The following PSMB7 variants were observed in gnomAD, a reference collection of about 807,000 sequenced individuals.
PSMB7 encodes the protein proteasome 20S subunit beta 7, also known as proteasome subunit beta type-7.
Under a neutral mutation model 28.1 loss-of-function variants are expected in PSMB7, and 5 were observed. That is an observed-to-expected ratio of 0.18 (90% CI 0.09 to 0.37). The LOEUF (loss-of-function observed/expected upper bound fraction) is 0.37. PSMB7 is among the 10% of genes least tolerant of loss of function. PSMB7 has a pLI of 1.00. For synonymous variants in PSMB7, 122 were observed against 123.7 expected, an observed-to-expected ratio of 0.99 and a Z score of 0.09; for missense variants, 275 against 346.2, an observed-to-expected ratio of 0.79 and a Z score of 1.63.
At chr9:124,392,842 G>T (rs1020752069) in intron 5 of PSMB7, among the ~76,000 whole-genome samples, 1 of 152,118 alleles carries the variant, frequency 6.6e-6, no homozygotes, top group Admixed American at 6.5e-5. Flanking sequence ...GCTAAAGAGC[G>T]GTCCATTTTA....
chr9:124,356,821 C>T lies in PSMB7; in HGVS notation c.665G>A (p.Ser222Asn), dbSNP rs150588064. ...SGSNIDLCVI[S>N]KNKLDFLRPY... ...GCGGAGAAAATCCAGCTTGTTCTTG[C>T]TGATGACGCAGAGGTCAATGTTGCT... Residue 222 changes from serine to asparagine, a missense_variant, in exon 7 of 8, where the codon AGC becomes AAC. Around this residue, in one of 2 missense-constraint regions of PSMB7, gnomAD observed 213 missense variants for 302.4 expected, o/e 0.70. Coordinates refer to ENST00000259457, the MANE Select transcript of PSMB7 (RefSeq NM_002799.4). The surrounding 1 kb of genome is among the most constrained non-coding windows in gnomAD (Gnocchi z 4.4). The T allele has an allele frequency of 2.3e-4, 366 of 1,614,148 alleles. No individual in the cohort carries two copies. The African/African-American group carries it at 4.4e-3, about 19-fold the overall frequency.
chr9:124,380,581 A>C (rs1407558036), intron 6 of PSMB7, among the ~76,000 whole-genome samples: 2 of 152,180 alleles, frequency 1.3e-5, no homozygotes, highest in Non-Finnish European at 2.9e-5. Context: ...CAGTACATCA[A>C]ACCCAGGATT....
chr9:124,364,627 C>G (rs1406515742), intron 6 of PSMB7, among the ~76,000 whole-genome samples: 1 of 152,068 alleles, frequency 6.6e-6, no homozygotes, highest in African/African-American at 2.4e-5. Context: ...TAATAAGATC[C>G]TCATCACATT....
At chr9:124,409,777 C>G (rs1048779565) in intron 4 of PSMB7, among the ~76,000 whole-genome samples, 1 of 152,122 alleles carries the variant, frequency 6.6e-6, no homozygotes, top group African/African-American at 2.4e-5. Flanking sequence ...CAAATTTATA[C>G]GACAGTCAGT....
chr9:124,387,207 C>T (rs922287098), intron 5 of PSMB7, among the ~76,000 whole-genome samples: 1 of 152,194 alleles, frequency 6.6e-6, no homozygotes, highest in Admixed American at 6.5e-5. Context: ...GATCGCGCAA[C>T]TGCACTCCAG....
chr9:124,406,276 G>A (rs562792871), intron 4 of PSMB7, among the ~76,000 whole-genome samples: 3 of 152,056 alleles, frequency 2.0e-5, no homozygotes, highest in South Asian at 4.2e-4. Context: ...GCTGAGGTGG[G>A]CAAATCACTT....
chr9:124,413,520 G>A (rs1831053228), intron 3 of PSMB7, among the ~76,000 whole-genome samples: 2 of 152,146 alleles, frequency 1.3e-5, no homozygotes, highest in South Asian at 4.1e-4. Flanking sequence ...TGGCAGAAGA[G>A]TGAACAATAG....
intron 7 of PSMB7, among the ~76,000 whole-genome samples, chr9:124,354,992 G>A (rs1195708954): frequency 6.6e-6 from 1 of 152,264 alleles, no homozygotes; most frequent in Non-Finnish European, 1.5e-5. Context: ...ACAGGCAGCA[G>A]GGACTTGCCA....
rs113321071 is a variant in PSMB7, at chr9:124,380,326, GC to G, written c.570+4271del. 3.7e-3 allele frequency among the ~76,000 whole-genome samples: 565 copies of G among 152,200 alleles called. 4 individuals carry two copies. The highest frequency in any genetic ancestry group is 0.013 in the African/African-American group (544 of 41,522). On this transcript the variant is annotated intron_variant, in intron 6 of 7. Coordinates refer to ENST00000259457, the MANE Select transcript of PSMB7 (RefSeq NM_002799.4). ...AGGCTGGCCATGGTGGCTCATCTGA[GC>G]CCAGGAGTTTGAGACCATCCTGGGC... is the stretch of plus-strand genomic sequence containing the variant.
chr9:124,415,065 TC>T, intron 1 of PSMB7, 130 bp from the exon 2 acceptor site: 1 of 658,510 alleles, frequency 1.5e-6, no homozygotes, highest in Non-Finnish European at 2.6e-6. Flanking sequence ...TAATGAATCC[TC>T]CCACCATCAG....
At position 124,405,222 on chromosome 9, in the gene PSMB7, G is replaced by A. The variant is rs111955310; in HGVS notation, c.511+95C>T. ...GCTGAATGAATCAAAGCATTGTATT[G>A]CACCTCCTCTTCTAAGAGAAAACAG... On this transcript the variant is annotated intron_variant, in intron 5 of 7. Transcript: ENST00000259457. The A allele has an allele frequency of 8.1e-4, 645 of 798,960 alleles. 3 individuals carry two copies. The African/African-American group carries it at 0.01, about 13-fold the overall frequency. 49.5% of individuals were successfully genotyped at this position (798,960 alleles called of 1,614,324 possible).
intron 5 of PSMB7, chr9:124,398,345 C>A: frequency 5.4e-6 from 1 of 185,660 alleles, no homozygotes; most frequent in Non-Finnish European, 1.3e-5. Context: ...AGGAAGAAAG[C>A]CAGCCCTGCA....
chr9:124,357,587 T>G (rs1444698308), intron 6 of PSMB7, among the ~76,000 whole-genome samples: 2 of 152,196 alleles, frequency 1.3e-5, no homozygotes, highest in African/African-American at 4.8e-5. Flanking sequence ...AAGTAATCCA[T>G]TACTTTGAAT....
chr9:124,354,634 A>G (rs1359588251), intron 7 of PSMB7, among the ~76,000 whole-genome samples: 3 of 152,216 alleles, frequency 2.0e-5, no homozygotes, highest in Non-Finnish European at 4.4e-5. Flanking sequence ...GTCAGCCCAG[A>G]GCGGCCTGCC....
chr9:124,388,506 AT>A (rs781227525), intron 5 of PSMB7, among the ~76,000 whole-genome samples: 5 of 152,228 alleles, frequency 3.3e-5, no homozygotes, highest in Non-Finnish European at 5.9e-5. Flanking sequence ...CATCATCCTC[AT>A]AGCAACCCAC....
In PSMB7 at chr9:124,383,180, G is replaced by A. The variant is rs986880356; in HGVS notation, c.570+1418C>T. 2.0e-5 allele frequency among the ~76,000 whole-genome samples: 3 copies of A among 152,036 alleles called. No individual in the cohort carries two copies. In the East Asian group the frequency reaches 5.8e-4, roughly 29 times the overall value. On this transcript the variant is annotated intron_variant, in intron 6 of 7. Coordinates refer to ENST00000259457, the MANE Select transcript of PSMB7 (RefSeq NM_002799.4). ...TATCCTATTTTTTCTCTGTATTTAA[G>A]AAGGCCAAATAGAAAATAATGCTGA...
chr9:124,381,474 G>A (rs1021548451), intron 6 of PSMB7, among the ~76,000 whole-genome samples: 1 of 152,178 alleles, frequency 6.6e-6, no homozygotes, highest in African/African-American at 2.4e-5. Context: ...GGTGTGAAAG[G>A]CAGCAGTGCT....
chr9:124,390,759 T>C lies in PSMB7; in HGVS notation c.512-6103A>G, dbSNP rs376306470. Among the ~76,000 whole-genome samples, 4 of 152,284 alleles carry C rather than the reference T, an allele frequency of 2.6e-5. No individual in the cohort carries two copies. The East Asian group carries it at 5.8e-4, about 22-fold the overall frequency. On this transcript the variant is annotated intron_variant, in intron 5 of 7. Transcript: ENST00000259457. ...TAGCAATTTTTTAAGGTATAAAAAA[T>C]TGAAGAAAATCCAACATTGTGAGGG...
At chr9:124,369,607 C>T (rs1830541873) in intron 6 of PSMB7, among the ~76,000 whole-genome samples, 1 of 152,166 alleles carries the variant, frequency 6.6e-6, no homozygotes, top group African/African-American at 2.4e-5. Flanking sequence ...CACACTGACT[C>T]GGGAAATGAC....
Sources: gnomAD v4.1 joint callset for allele counts (sites outside exome capture counted in the v4.1 genomes callset) on GRCh38, gnomAD v4.1.1 for gene constraint, gnomAD v4.1.1 regional missense constraint, Gnocchi (gnomAD v3.1) non-coding constraint, MANE v1.5 for transcripts, NCBI Gene and HGNC (gene_info 2026-07-23, HGNC 2026-07-21) for gene names.